CD53: variants seen among roughly 807,000 people sequenced by gnomAD.
CD53 encodes leukocyte surface antigen CD53.
A neutral mutation model predicts 27.3 loss-of-function variants in CD53; 20 were observed. The observed-to-expected ratio is 0.73, with a 90% CI of 0.52 to 1.07. The LOEUF (loss-of-function observed/expected upper bound fraction) is 1.07, where lower values mean the gene tolerates loss of function less well. Among genes scored for constraint, CD53 ranks in the 50% least tolerant of loss-of-function variants. The pLI is 0.00. For missense variants in CD53, 216 were observed against 264.0 expected (o/e 0.82, Z 1.26); for synonymous variants, 106 against 105.3 (o/e 1.01, Z -0.04).
intron 1 of CD53, among the ~76,000 whole-genome samples, chr1:110,885,644 C>T (rs1656556171): frequency 6.6e-6 from 1 of 152,060 alleles, no homozygotes; most frequent in Non-Finnish European, 1.5e-5. Flanking sequence ...AGGCAGATCA[C>T]CTGAGGTCAG....
rs1398304778 is a variant in CD53 at position 110,899,231 on chromosome 1, T to G, written c.*36T>G. The G allele has an allele frequency of 6.7e-7, 1 of 1,490,372 alleles. No homozygotes were observed. Among genetic ancestry groups the G allele is most frequent in the East Asian group, 2.3e-5 (1 of 44,400 alleles). 92.3% of individuals were successfully genotyped at this position (1,490,372 alleles called of 1,614,324 possible). The stretch of plus-strand genomic sequence containing the variant: ...TCCTGTGGTGAAGAGACTTGTTTCA[T>G]CTCCGGAAATGCAAAACCATTTATA... On this transcript the variant is annotated 3_prime_UTR_variant, in exon 8 of 8. Transcript: ENST00000271324.
chr1:110,880,965 AAAGAG>A (rs908982472), intron 1 of CD53, among the ~76,000 whole-genome samples: 157 of 152,202 alleles, frequency 1.0e-3, no homozygotes, highest in African/African-American at 3.7e-3. Context: ...GCCAGAAAGA[AAAGAG>A]AAAATTTCAG....
chr1:110,898,758 A>C (rs1162466139), intron 7 of CD53, among the ~76,000 whole-genome samples: 1 of 152,178 alleles, frequency 6.6e-6, no homozygotes, highest in Non-Finnish European at 1.5e-5. Context: ...GGAAGCTCAG[A>C]GAAAATGATT....
At chr1:110,893,069 C>A (rs1411661254) in intron 3 of CD53, among the ~76,000 whole-genome samples, 4 of 152,186 alleles carry the variant, frequency 2.6e-5, no homozygotes, top group Admixed American at 2.6e-4. Flanking sequence ...ATGCTACAGC[C>A]TTTTGCATGT....
intron 1 of CD53, among the ~76,000 whole-genome samples, chr1:110,887,438 C>T (rs1268856374): frequency 6.6e-6 from 1 of 152,156 alleles, no homozygotes; most frequent in East Asian, 1.9e-4. Flanking sequence ...CATCTATCGC[C>T]ATATTATAGG....
chr1:110,895,322 A>T (rs947505896), intron 5 of CD53, among the ~76,000 whole-genome samples: 2 of 152,216 alleles, frequency 1.3e-5, no homozygotes, highest in African/African-American at 2.4e-5. Context: ...ACCCAAACAC[A>T]GCAAACTGGA....
chr1:110,897,406 T>C (rs1657114082), intron 6 of CD53, among the ~76,000 whole-genome samples: 1 of 152,198 alleles, frequency 6.6e-6, no homozygotes, highest in Non-Finnish European at 1.5e-5. Context: ...TGGCACTTGG[T>C]AGGGCTATGA....
intron 3 of CD53, chr1:110,892,751 C>T: frequency 2.1e-6 from 1 of 479,700 alleles, no homozygotes; most frequent in Non-Finnish European, 3.7e-6. Flanking sequence ...CCCCTTGTAG[C>T]CATTTTTATA....
chr1:110,895,882 A>G (rs1466431746), intron 5 of CD53, among the ~76,000 whole-genome samples: 1 of 152,176 alleles, frequency 6.6e-6, no homozygotes, highest in Non-Finnish European at 1.5e-5. Context: ...TAGACAATAT[A>G]TTATTTCACC....
intron 2 of CD53, 61 bp downstream of exon 2, chr1:110,891,532 T>C (rs1656853487): frequency 1.5e-6 from 2 of 1,304,532 alleles, no homozygotes; most frequent in Admixed American, 1.7e-5. Context: ...CTCTCCTCAT[T>C]CCTCTACTGA....
chr1:110,898,309 G>A (rs944141980), intron 7 of CD53, among the ~76,000 whole-genome samples: 11 of 150,582 alleles, frequency 7.3e-5, no homozygotes, highest in African/African-American at 1.5e-4. Flanking sequence ...CCTGGGAGGC[G>A]GAGCTTGTAG....
chr1:110,896,904 C>G (rs942385128), intron 6 of CD53, among the ~76,000 whole-genome samples, 171 bp downstream of exon 6: 1 of 152,142 alleles, frequency 6.6e-6, no homozygotes, highest in Non-Finnish European at 1.5e-5. Flanking sequence ...GAAAAACATA[C>G]AAACAAACTC....
chr1:110,892,738 A>G, intron 3 of CD53: 2 of 527,192 alleles, frequency 3.8e-6, no homozygotes, highest in Admixed American at 3.6e-5. Flanking sequence ...GGGCATTGCT[A>G]TCCCCCTTGT....
At chr1:110,891,172 A>G (rs538072089) in intron 1 of CD53, among the ~76,000 whole-genome samples, 54 of 152,364 alleles carry the variant, frequency 3.5e-4, no homozygotes, top group African/African-American at 1.2e-3. Context: ...AATGTTAAGC[A>G]TTGTTGGCTT....
chr1:110,881,526 C>A (rs1162505347), intron 1 of CD53, among the ~76,000 whole-genome samples: 1 of 152,126 alleles, frequency 6.6e-6, no homozygotes, highest in Non-Finnish European at 1.5e-5. Context: ...TGGGTTGCTT[C>A]CAGTTTGGGC....
intron 5 of CD53, 80 bp downstream of exon 5, chr1:110,895,135 C>T (rs868153018): frequency 3.8e-6 from 4 of 1,050,924 alleles, no homozygotes; most frequent in South Asian, 1.3e-5. Context: ...GTTCCTTTTT[C>T]TGGAAGTTTC....
intron 1 of CD53, among the ~76,000 whole-genome samples, chr1:110,886,626 G>C (rs1388763667): frequency 6.6e-6 from 1 of 151,704 alleles, no homozygotes; most frequent in Non-Finnish European, 1.5e-5. Context: ...AGGTGGGTGG[G>C]TCACTTGAGG....
At position 110,892,428 on chromosome 1, in the gene CD53, C is replaced by G; in HGVS notation, c.147C>G (p.Ser49=). The change falls in exon 3 of 8, where the codon TCC becomes TCG. Residue 49 remains serine (S), a synonymous_variant. Transcript: ENST00000271324. ...GAGTGCTCTTCCATAACCTCCCCTCCCTCACGCTGGGCAATGTGTTTGTCA... is the reference window on the plus strand; with the variant it reads ...GAGTGCTCTTCCATAACCTCCCCTCGCTCACGCTGGGCAATGTGTTTGTCA... ...NFGVLFHNLP[S]LTLGNVFVIV... is the part of the protein sequence containing the mutation. 1 of 1,613,960 alleles carries G rather than the reference C, an allele frequency of 6.2e-7. No homozygotes were observed. The highest frequency in any genetic ancestry group is 1.1e-5 in the South Asian group (1 of 91,074).
intron 6 of CD53, among the ~76,000 whole-genome samples, chr1:110,897,116 C>G (rs1657101455): frequency 1.3e-5 from 2 of 152,172 alleles, no homozygotes; most frequent in Admixed American, 1.3e-4. Context: ...GCTCTTCTTC[C>G]TTGGAGATGG....
Sources: allele counts gnomAD v4.1 joint callset (sites outside exome capture counted in the v4.1 genomes callset), GRCh38; gene constraint gnomAD v4.1.1; transcripts MANE v1.5; gene names NCBI Gene and HGNC (gene_info 2026-07-23, HGNC 2026-07-21).